Variants in C18orf63 observed in about 807,000 individuals in gnomAD.
The protein encoded by C18orf63 is chromosome 18 open reading frame 63, also known as uncharacterized protein C18orf63.
In C18orf63, 50 loss-of-function variants were observed where a neutral mutation model predicts 75.3. The observed-to-expected ratio is 0.66, with a 90% CI of 0.53 to 0.84. The LOEUF (loss-of-function observed/expected upper bound fraction) is 0.84. Among genes scored for constraint, C18orf63 ranks in the 40% least tolerant of loss-of-function variants. The pLI is 0.00. For synonymous variants in C18orf63, 232 were observed against 267.6 expected, an observed-to-expected ratio of 0.87 and a Z score of 1.30; for missense variants, 732 against 800.2, an observed-to-expected ratio of 0.91 and a Z score of 1.03.
At chr18:74,319,353 G>T (rs1379843476) in intron 2 of C18orf63, among the ~76,000 whole-genome samples, 2 of 152,178 alleles carry the variant, frequency 1.3e-5, no homozygotes, top group African/African-American at 2.4e-5. Context: ...GATATACCTT[G>T]GTTCCAACAA....
chr18:74,322,150 A>G (rs1326941442), intron 3 of C18orf63, among the ~76,000 whole-genome samples: 2 of 152,196 alleles, frequency 1.3e-5, no homozygotes, highest in Admixed American at 6.6e-5. Flanking sequence ...AAACTATAAT[A>G]TAGATACTGC....
intron 13 of C18orf63, among the ~76,000 whole-genome samples, chr18:74,356,111 G>A (rs1984759990): frequency 6.6e-6 from 1 of 152,090 alleles, no homozygotes; most frequent in South Asian, 2.1e-4. Context: ...AAGGAATAAC[G>A]AGAACATTTT....
Position 74,343,575 on chromosome 18 carries a change from C to A in C18orf63, c.851C>A (p.Ser284Ter). 1 of 1,534,500 alleles carries A rather than the reference C, an allele frequency of 6.5e-7. No individual in the cohort carries two copies. Among genetic ancestry groups the A allele is most frequent in the Non-Finnish European group, 8.7e-7 (1 of 1,145,706 alleles). The change falls in exon 11 of 14, where the codon TCG becomes TAG. Residue 284 changes from serine (S) to a stop codon, truncating the protein, a stop_gained. Transcript: ENST00000579455. LOFTEE classifies it high-confidence loss of function. ...QPMQFFPRVDSEVVLKSFLSD... is the reference protein window; with the variant it reads ...QPMQFFPRVD Reference sequence around the variant, plus strand: ...ATGCAGTTCTTTCCAAGGGTAGATTCGGAAGTTGTGTTGAAAAGTTTTCTT... The same window carrying A: ...ATGCAGTTCTTTCCAAGGGTAGATTAGGAAGTTGTGTTGAAAAGTTTTCTT...
intron 2 of C18orf63, among the ~76,000 whole-genome samples, chr18:74,319,071 C>T (rs2145113201): frequency 6.6e-6 from 1 of 152,292 alleles, no homozygotes; most frequent in Middle Eastern, 3.4e-3. Flanking sequence ...CCAGGGGCAT[C>T]AGGGAGCCTG....
At chr18:74,352,583 G>A (rs1025321513) in intron 11 of C18orf63, among the ~76,000 whole-genome samples, 9 of 152,114 alleles carry the variant, frequency 5.9e-5, no homozygotes, top group South Asian at 2.1e-4. Context: ...CACAGATAGC[G>A]CCTTCCCTGT....
Position 74,317,964 on chromosome 18 carries a change from T to A in C18orf63, c.99T>A (p.Asp33Glu). 1 of 1,532,878 alleles carries A rather than the reference T, an allele frequency of 6.5e-7. No homozygotes were observed. The highest frequency in any genetic ancestry group is 8.7e-7 in the Non-Finnish European group (1 of 1,144,606). The allele number at this position is 1,532,878 out of a possible 1,614,324, so 95.0% of individuals were successfully genotyped here. The change falls in exon 2 of 14, where the codon GAT becomes GAA. Residue 33 changes from aspartate (D) to glutamate (E), a missense_variant. Physicochemically the swap from Asp to Glu is conservative, Grantham distance 45 (BLOSUM62 2). Coordinates refer to ENST00000579455, the MANE Select transcript of C18orf63 (RefSeq NM_001174123.2). ...VRIILSNKVA[D>E]TEIRTIQMKM... ...TAATACTGAGTAATAAGGTGGCAGA[T>A]ACTGAGATTAGGACTATACAAATGA...
At chr18:74,321,412 C>G (rs879913284) in intron 3 of C18orf63, among the ~76,000 whole-genome samples, 1 of 151,936 alleles carries the variant, frequency 6.6e-6, no homozygotes, top group Admixed American at 6.6e-5. Flanking sequence ...TCAAGCAATC[C>G]TCCTCCATCA....
Position 74,353,545 on chromosome 18 carries a change from C to CAACA in C18orf63, c.1278_1279insAACA (p.Ser427AsnfsTer9). 9 of 1,536,582 alleles carry CAACA rather than the reference C, an allele frequency of 5.9e-6. No individual in the cohort carries two copies. Among genetic ancestry groups the CAACA allele is most frequent in the Non-Finnish European group, 7.8e-6 (9 of 1,146,990 alleles). ...CTCAAGTTCAGCACACAAATCTTAG[C>CAACA]TCCCAAAGCAACATCACCCCTAAGT... On this transcript the variant is annotated frameshift_variant, in exon 12 of 14. Transcript: ENST00000579455. LOFTEE classifies it high-confidence loss of function.
At position 74,357,650 on chromosome 18, in the gene C18orf63, A is replaced by T. The variant is rs1291648773; in HGVS notation, c.*1203A>T. 1 of 147,772 alleles carries T rather than the reference A, an allele frequency of 6.8e-6. No individual in the cohort carries two copies. The highest frequency in any genetic ancestry group is 6.9e-5 in the Admixed American group (1 of 14,598). 9.2% of individuals were successfully genotyped at this position (147,772 alleles called of 1,614,324 possible). On this transcript the variant is annotated 3_prime_UTR_variant, in exon 14 of 14. Transcript: ENST00000579455. ...GATTTATTGTCTCCACCACTTTACT[A>T]AACCATTGCAATTAAAAGCAAAAGT...
At chr18:74,350,323 T>C (rs148508080) in intron 11 of C18orf63, among the ~76,000 whole-genome samples, 59 of 152,300 alleles carry the variant, frequency 3.9e-4, no homozygotes, top group African/African-American at 1.1e-3. Flanking sequence ...ATACATACAC[T>C]GAAATCCTAA....
intron 11 of C18orf63, among the ~76,000 whole-genome samples, chr18:74,349,148 T>C (rs1229619877): frequency 1.3e-5 from 2 of 152,180 alleles, no homozygotes; most frequent in African/African-American, 4.8e-5. Context: ...GTCCAAACAG[T>C]GGGTGTTCTT....
intron 7 of C18orf63, among the ~76,000 whole-genome samples, 152 bp downstream of exon 7, chr18:74,331,094 A>G (rs949302710): frequency 1.3e-5 from 2 of 152,184 alleles, no homozygotes; most frequent in Non-Finnish European, 2.9e-5. Flanking sequence ...AATGCTTGAT[A>G]TATTTATGTC....
rs1984055524 is a variant in C18orf63, at chr18:74,318,017, A to C, written c.134+18A>C. 6.9e-7 allele frequency: 1 copy of C among 1,454,002 alleles called. No individual in the cohort carries two copies. The highest frequency in any genetic ancestry group is 1.4e-5 in the African/African-American group (1 of 70,788). The allele number at this position is 1,454,002 out of a possible 1,614,324, so 90.1% of individuals were successfully genotyped here. A position where few individuals can be genotyped will look rare whatever the true frequency, so the allele number is the denominator to read the frequency against. On this transcript the variant is annotated intron_variant, in intron 2 of 13. Coordinates refer to ENST00000579455, the MANE Select transcript of C18orf63 (RefSeq NM_001174123.2). The stretch of plus-strand genomic sequence containing the variant: ...ATGTGCAGGTAAAAAAATACATCTT[A>C]TAACTAAGACTTTTAAAACTTTGAG...
intron 7 of C18orf63, among the ~76,000 whole-genome samples, chr18:74,331,230 A>G (rs1405723674): frequency 6.6e-6 from 1 of 152,132 alleles, no homozygotes; most frequent in East Asian, 1.9e-4. Context: ...ATCCTGTCTT[A>G]GCACCCACTT....
chr18:74,329,468 T>C (rs980797188), intron 6 of C18orf63, among the ~76,000 whole-genome samples: 5 of 152,096 alleles, frequency 3.3e-5, no homozygotes, highest in African/African-American at 9.7e-5. Context: ...TCAGATATTA[T>C]TGTAATCAGA....
In C18orf63 at chr18:74,353,311, C is replaced by A. The variant is rs1049814425; in HGVS notation, c.1044C>A (p.Ala348=). 1.3e-6 allele frequency: 2 copies of A among 1,536,344 alleles called. No homozygotes were observed. Among genetic ancestry groups the A allele is most frequent in the African/African-American group, 2.7e-5 (2 of 72,982 alleles). ...KKMLRASLTQ[A]TSRKPACAQS... ...TGCTTAGGGCATCTCTGACTCAAGCCACTTCCAGAAAGCCTGCCTGTGCTC... is the reference window on the plus strand; with the variant it reads ...TGCTTAGGGCATCTCTGACTCAAGCAACTTCCAGAAAGCCTGCCTGTGCTC... The change falls in exon 12 of 14, where the codon GCC becomes GCA. Residue 348 remains alanine, a synonymous_variant. Coordinates refer to ENST00000579455, the MANE Select transcript of C18orf63 (RefSeq NM_001174123.2).
chr18:74,353,814 C>A lies in C18orf63; in HGVS notation c.1547C>A (p.Thr516Lys), dbSNP rs939150922. Residue 516 changes from threonine to lysine, a missense_variant, in exon 12 of 14, where the codon ACA (threonine) becomes AAA (lysine). Physicochemically the swap from Thr to Lys is moderately conservative, Grantham distance 78. Around this residue, in one of 3 missense-constraint regions of C18orf63, gnomAD observed 495 missense variants for 508.7 expected, o/e 0.97. Coordinates refer to ENST00000579455, the MANE Select transcript of C18orf63 (RefSeq NM_001174123.2). The stretch of plus-strand genomic sequence containing the variant: ...TCCAGACCTCTGCAAGAAAAAAATA[C>A]AGAGTCTTCTGAAAATATGACAAAA... ...ENSRPLQEKN[T>K]ESSENMTKFP... The A allele has an allele frequency of 1.1e-5, 17 of 1,535,644 alleles. No homozygotes were observed. In the Admixed American group the frequency reaches 3.3e-4, roughly 30 times the overall value.
intron 10 of C18orf63, among the ~76,000 whole-genome samples, chr18:74,343,210 A>G (rs1256534236): frequency 6.6e-6 from 1 of 152,082 alleles, no homozygotes; most frequent in Non-Finnish European, 1.5e-5. Context: ...TTATTTTGTA[A>G]TTGCTAAGGC....
rs1463524964 is a variant in C18orf63, at chr18:74,317,971, A to T, written c.106A>T (p.Ile36Phe). Reference protein sequence around the residue: ...ILSNKVADTEIRTIQMKMCRQ... With the variant: ...ILSNKVADTEFRTIQMKMCRQ... Reference sequence around the variant, plus strand: ...GAGTAATAAGGTGGCAGATACTGAGATTAGGACTATACAAATGAAGATGTG... The same window carrying T: ...GAGTAATAAGGTGGCAGATACTGAGTTTAGGACTATACAAATGAAGATGTG... The change falls in exon 2 of 14, where the codon ATT (isoleucine) becomes TTT (phenylalanine). Residue 36 changes from isoleucine (I) to phenylalanine (F), a missense_variant. This residue lies in a region of C18orf63 where 233 missense variants were observed against 272.7 expected (regional missense o/e 0.85). Transcript: ENST00000579455. 1.3e-6 allele frequency: 2 copies of T among 1,528,892 alleles called. No individual in the cohort carries two copies. The highest frequency in any genetic ancestry group is 2.5e-5 in the East Asian group (1 of 40,734). The allele number at this position is 1,528,892 out of a possible 1,614,324, so 94.7% of individuals were successfully genotyped here. A position where few individuals can be genotyped will look rare whatever the true frequency, so the allele number is the denominator to read the frequency against.
Sources: allele counts gnomAD v4.1 joint callset (sites outside exome capture counted in the v4.1 genomes callset), GRCh38; gene constraint gnomAD v4.1.1; regional missense constraint gnomAD v4.1.1; transcripts MANE v1.5; gene names NCBI Gene and HGNC (gene_info 2026-07-23, HGNC 2026-07-21).